The following CSMD1 variants were observed in gnomAD, a reference collection of about 807,000 sequenced individuals.
The protein encoded by CSMD1 is CUB and sushi domain-containing protein 1.
Under a neutral mutation model 417.5 loss-of-function variants are expected in CSMD1, and 213 were observed. The ratio of observed to expected loss-of-function variants is 0.51; its 90% confidence interval spans 0.46 to 0.57. The LOEUF is 0.57. CSMD1 is among the 20% of genes least tolerant of loss of function. The pLI, the probability that CSMD1 is intolerant of heterozygous loss-of-function variation, is 0.00. For missense variants in CSMD1, 6,923 were observed against 4,529.7 expected (o/e 1.53, Z -15.17); for synonymous variants, 2,862 against 1,736.8 (o/e 1.65, Z -16.11).
chr8:3,147,403 CTTAT>C (rs1818909778), intron 40 of CSMD1, among the ~76,000 whole-genome samples: 1 of 152,150 alleles, frequency 6.6e-6, no homozygotes. Flanking sequence ...CATTTCTCAT[CTTAT>C]TTAGATTGAA....
At chr8:3,725,306 C>G (rs1052407942) in intron 6 of CSMD1, among the ~76,000 whole-genome samples, 1 of 152,122 alleles carries the variant, frequency 6.6e-6, no homozygotes, top group Non-Finnish European at 1.5e-5. Context: ...TGGACAAGTG[C>G]TATTTCAGTC....
At chr8:4,887,764 TATC>T (rs1374220853) in intron 1 of CSMD1, among the ~76,000 whole-genome samples, 11 of 152,006 alleles carry the variant, frequency 7.2e-5, no homozygotes, top group African/African-American at 2.7e-4. Flanking sequence ...TTGACAATTT[TATC>T]ATTTTTTTTA....
At chr8:4,110,124 G>C (rs1419097259) in intron 3 of CSMD1, among the ~76,000 whole-genome samples, 1 of 152,120 alleles carries the variant, frequency 6.6e-6, no homozygotes, top group Non-Finnish European at 1.5e-5. Context: ...AGTTGGAAAA[G>C]TGTCTTAGAA....
At chr8:4,345,383 T>C (rs1442047251) in intron 3 of CSMD1, among the ~76,000 whole-genome samples, 1 of 152,084 alleles carries the variant, frequency 6.6e-6, no homozygotes, top group Admixed American at 6.6e-5. Context: ...TACACACTTA[T>C]GCAATAGAGT....
chr8:4,273,262 G>A (rs1368129274), intron 3 of CSMD1, among the ~76,000 whole-genome samples: 2 of 152,072 alleles, frequency 1.3e-5, no homozygotes, highest in Non-Finnish European at 2.9e-5. Flanking sequence ...GAGCATATTT[G>A]TATTAGTTCA....
chr8:3,707,187 A>G (rs1346554775), intron 7 of CSMD1, among the ~76,000 whole-genome samples: 1 of 152,242 alleles, frequency 6.6e-6, no homozygotes, highest in Non-Finnish European at 1.5e-5. Context: ...ATAAAGATGT[A>G]GGTCAATCTA....
intron 3 of CSMD1, among the ~76,000 whole-genome samples, chr8:4,279,663 G>C (rs142489809): frequency 1.3e-5 from 2 of 152,196 alleles, no homozygotes; most frequent in African/African-American, 4.8e-5. Flanking sequence ...TCTTAACCCT[G>C]TTCAACTTAT....
chr8:3,235,916 G>GTTTTTTTTTTTTTTTTTTT (rs11414439), intron 26 of CSMD1, among the ~76,000 whole-genome samples: 3 of 119,378 alleles, frequency 2.5e-5, no homozygotes, highest in East Asian at 2.6e-4. Flanking sequence ...GAAGATGTAA[G>GTTTTTTTTTTTTTTTTTTT]TTTTTTTTTT....
intron 5 of CSMD1, among the ~76,000 whole-genome samples, chr8:3,933,411 G>T (rs1035034834): frequency 1.3e-5 from 2 of 152,144 alleles, no homozygotes; most frequent in Non-Finnish European, 2.9e-5. Flanking sequence ...ATCAGGACTT[G>T]TATGTATGAC....
chr8:3,776,151 A>G (rs187634421), intron 5 of CSMD1, among the ~76,000 whole-genome samples: 1 of 152,028 alleles, frequency 6.6e-6, no homozygotes, highest in East Asian at 1.9e-4. Flanking sequence ...GCTCATCTGC[A>G]CATCATACGG....
intron 5 of CSMD1, among the ~76,000 whole-genome samples, chr8:3,772,490 C>CAT (rs1349306858): frequency 0.056 from 562 of 10,088 alleles, 122 homozygotes; most frequent in South Asian, 0.11. Flanking sequence ...CATATATACA[C>CAT]ATATATACAT....
At chr8:3,291,543 G>A (rs1262517757) in intron 25 of CSMD1, among the ~76,000 whole-genome samples, 1 of 152,036 alleles carries the variant, frequency 6.6e-6, no homozygotes, top group Non-Finnish European at 1.5e-5. Context: ...CTTCTTCCTG[G>A]TTTAGTCTTG....
At chr8:3,014,183 G>A (rs1808646064) in intron 52 of CSMD1, among the ~76,000 whole-genome samples, 1 of 124,668 alleles carries the variant, frequency 8.0e-6, no homozygotes, top group Admixed American at 8.3e-5. Context: ...ATCGAAGATA[G>A]GAATAAAATT....
At chr8:4,073,784 T>G (rs890018970) in intron 3 of CSMD1, among the ~76,000 whole-genome samples, 18 of 152,082 alleles carry the variant, frequency 1.2e-4, no homozygotes, top group African/African-American at 4.3e-4. Context: ...AAATACAAAA[T>G]TTTGCTAAAT....
intron 1 of CSMD1, among the ~76,000 whole-genome samples, chr8:4,912,266 G>C (rs374840867): frequency 6.6e-6 from 1 of 152,068 alleles, no homozygotes; most frequent in African/African-American, 2.4e-5. Flanking sequence ...AAGAACATGC[G>C]AAGGCAGTAG....
At chr8:4,978,275 G>A (rs1166426330) in intron 1 of CSMD1, among the ~76,000 whole-genome samples, 2 of 152,156 alleles carry the variant, frequency 1.3e-5, no homozygotes, top group East Asian at 1.9e-4. Flanking sequence ...GCAGGTGGAG[G>A]TATAGCAGCT....
chr8:4,231,700 A>T (rs1379623617), intron 3 of CSMD1, among the ~76,000 whole-genome samples: 3 of 152,202 alleles, frequency 2.0e-5, no homozygotes, highest in Non-Finnish European at 2.9e-5. Flanking sequence ...ACAGTTAATA[A>T]GCCAAGTCTT....
chr8:3,390,087 G>A (rs535468558), intron 17 of CSMD1, among the ~76,000 whole-genome samples: 19 of 152,188 alleles, frequency 1.2e-4, no homozygotes, highest in Admixed American at 1.2e-3. Context: ...GGGCACGGTG[G>A]CTCATGCTTG....
At chr8:4,332,143 C>G (rs1373277044) in intron 3 of CSMD1, among the ~76,000 whole-genome samples, 1 of 152,092 alleles carries the variant, frequency 6.6e-6, no homozygotes, top group Non-Finnish European at 1.5e-5. Context: ...ATGAAAATGT[C>G]AAGTTGCTTA....
Sources: allele counts gnomAD v4.1 joint callset (sites outside exome capture counted in the v4.1 genomes callset), GRCh38; gene constraint gnomAD v4.1.1; transcripts MANE v1.5; gene names NCBI Gene and HGNC (gene_info 2026-07-23, HGNC 2026-07-21).